TRABD: variants seen among roughly 807,000 people sequenced by gnomAD.
TRABD encodes the protein TraB domain containing.
TRABD carries 23 observed loss-of-function variants against 39.6 expected under a neutral mutation model. That is an observed-to-expected ratio of 0.58 (90% CI 0.42 to 0.82). TRABD has a LOEUF of 0.82. TRABD is among the 40% of genes least tolerant of loss of function. TRABD has a pLI of 0.00. For synonymous variants in TRABD, 243 were observed against 232.1 expected (o/e 1.05, Z -0.43); for missense variants, 487 against 544.9 (o/e 0.89, Z 1.06).
In TRABD at chr22:50,197,826, G is replaced by A. The variant is rs1359799767; in HGVS notation, c.675G>A (p.Lys225=). The change falls in exon 8 of 10, where the codon AAG becomes AAA. Residue 225 remains lysine, a synonymous_variant. Transcript: ENST00000380909. ...GLCFLSDPIS[K]DDVERCKQKD... is the part of the protein sequence containing the mutation. ...CTGCAGCCATCCCTCTCCACAGCAA[G>A]GATGACGTGGAACGCTGCAAGCAGA... 7.3e-7 allele frequency: 1 copy of A among 1,361,022 alleles called. No individual in the cohort carries two copies. The highest frequency in any genetic ancestry group is 4.5e-5 in the East Asian group (1 of 22,112). The allele number at this position is 1,361,022 out of a possible 1,614,324, so 84.3% of individuals were successfully genotyped here. A position where few individuals can be genotyped will look rare whatever the true frequency, so the allele number is the denominator to read the frequency against.
chr22:50,187,631 G>T (rs1602418373), intron 1 of TRABD, among the ~76,000 whole-genome samples: 1 of 152,188 alleles, frequency 6.6e-6, no homozygotes, highest in Admixed American at 6.5e-5. Flanking sequence ...GGATAAGATG[G>T]GTGTCTTAGC....
intron 2 of TRABD, 21 bp from the exon 3 acceptor site, chr22:50,193,555 A>G: frequency 6.2e-7 from 1 of 1,612,868 alleles, no homozygotes; most frequent in South Asian, 1.1e-5. Context: ...CCCTGACTTG[A>G]ACTCTCCTTT....
At chr22:50,194,598 C>T (rs2064031957) in intron 4 of TRABD, 92 bp downstream of exon 4, 17 of 1,519,162 alleles carry the variant, frequency 1.1e-5, no homozygotes, top group South Asian at 1.1e-4. Context: ...CCCGTGTGCC[C>T]GTGTGTGCGC....
rs1271177207 is a variant in TRABD at position 50,195,047 on chromosome 22, A to G, written c.420+7A>G. On this transcript the variant is annotated splice_region_variant and intron_variant, in intron 5 of 9. Coordinates refer to ENST00000380909, the MANE Select transcript of TRABD (RefSeq NM_001320485.2). ...GCAGCAGGCCGTGAGGCAGGTGCGCAGCCGCGGGCAAGGGTCAGGGTCAGG... is the reference window on the plus strand; with the variant it reads ...GCAGCAGGCCGTGAGGCAGGTGCGCGGCCGCGGGCAAGGGTCAGGGTCAGG... 1.9e-6 allele frequency: 3 copies of G among 1,577,202 alleles called. No individual in the cohort carries two copies. The highest frequency in any genetic ancestry group is 2.7e-5 in the African/African-American group (2 of 74,142).
rs139903264 is a variant in TRABD at position 50,197,514 on chromosome 22, G to A, written c.597G>A (p.Arg199=). The change falls in exon 7 of 10, where the codon AGG becomes AGA. Residue 199 remains arginine, a synonymous_variant. Coordinates refer to ENST00000380909, the MANE Select transcript of TRABD (RefSeq NM_001320485.2). Reference sequence around the variant, plus strand: ...GACCCATCCCCGTCACCTTCAAGAGGGCCATCGCAGCGCTCTCCTTCTGGC... The same window carrying A: ...GACCCATCCCCGTCACCTTCAAGAGAGCCATCGCAGCGCTCTCCTTCTGGC... The part of the protein sequence containing the change: ...GDRPIPVTFK[R]AIAALSFWQK... 5 of 1,613,630 alleles carry A rather than the reference G, an allele frequency of 3.1e-6. No homozygotes were observed. The highest frequency in any genetic ancestry group is 2.7e-5 in the African/African-American group (2 of 74,900).
chr22:50,197,079 A>G, intron 5 of TRABD, 162 bp from the exon 6 acceptor site: 1 of 649,608 alleles, frequency 1.5e-6, no homozygotes, highest in Non-Finnish European at 2.7e-6. Flanking sequence ...GACCCTCTGC[A>G]CGCTAGGGTG....
chr22:50,189,807 G>C (rs2063849092), intron 1 of TRABD, among the ~76,000 whole-genome samples: 1 of 147,098 alleles, frequency 6.8e-6, no homozygotes, highest in Non-Finnish European at 1.5e-5. Context: ...TGCAGTGTGT[G>C]CTGGCCGGAC....
Position 50,198,508 on chromosome 22 carries a change from C to G in TRABD, c.1120C>G (p.Arg374Gly). The change falls in exon 10 of 10, where the codon CGG (arginine) becomes GGG (glycine). Residue 374 changes from arginine (R) to glycine (G), a missense_variant. Physicochemically the swap from Arg to Gly is moderately radical, Grantham distance 125 (BLOSUM62 -2). Around this residue, in one of 3 missense-constraint regions of TRABD, gnomAD observed 123 missense variants for 108.3 expected, o/e 1.14. Transcript: ENST00000380909. The surrounding 1 kb of genome is among the most constrained non-coding windows in gnomAD (Gnocchi z 7.9). Reference protein sequence around the residue: ...QYCLQRVTEARHK With the variant: ...QYCLQRVTEAGHK ...CTGCCTGCAGAGGGTGACCGAGGCC[C>G]GGCACAAGTAGGAGACTGCTCCCCG... 1.9e-6 allele frequency: 3 copies of G among 1,564,882 alleles called. No homozygotes were observed. Among genetic ancestry groups the G allele is most frequent in the East Asian group, 2.3e-5 (1 of 43,904 alleles).
At position 50,197,530 on chromosome 22, in the gene TRABD, T is replaced by C; in HGVS notation, c.613T>C (p.Ser205Pro). ...CTTCAAGAGGGCCATCGCAGCGCTC[T>C]CCTTCTGGCAGAAGGTCAGGCTGGC... is the stretch of plus-strand genomic sequence containing the variant. ...VTFKRAIAALSFWQKVRLAWG... is the reference protein window; with the variant it reads ...VTFKRAIAALPFWQKVRLAWG... Residue 205 changes from serine (S) to proline (P), a missense_variant, in exon 7 of 10, where the codon TCC becomes CCC. Transcript: ENST00000380909. The C allele has an allele frequency of 3.7e-6, 6 of 1,613,636 alleles. No individual in the cohort carries two copies. Among genetic ancestry groups the C allele is most frequent in the Non-Finnish European group, 5.1e-6 (6 of 1,179,992 alleles).
At position 50,193,058 on chromosome 22, in the gene TRABD, G is replaced by T; in HGVS notation, c.-3G>T. On this transcript the variant is annotated 5_prime_UTR_variant, in exon 2 of 10. Coordinates refer to ENST00000380909, the MANE Select transcript of TRABD (RefSeq NM_001320485.2). ...CACAGGTGCAGGAAGCCGCCGCCCAGCCATGGACGGGGAGGAGCAGCAGCC... is the reference window on the plus strand; with the variant it reads ...CACAGGTGCAGGAAGCCGCCGCCCATCCATGGACGGGGAGGAGCAGCAGCC... The T allele has an allele frequency of 6.5e-7, 1 of 1,545,614 alleles. No homozygotes were observed.
At position 50,198,182 on chromosome 22, in the gene TRABD, A is replaced by G. The variant is rs773404847; in HGVS notation, c.952A>G (p.Met318Val). The change falls in exon 9 of 10, where the codon ATG (methionine) becomes GTG (valine). Residue 318 changes from methionine (M) to valine (V), a missense_variant. This residue lies in a region of TRABD where 123 missense variants were observed against 108.3 expected (regional missense o/e 1.14). Transcript: ENST00000380909. The surrounding 1 kb of genome is among the most constrained non-coding windows in gnomAD (Gnocchi z 7.9). ...CACCGACCTCAACATCCAGGAGATCATGACGTGAGTGCCCGCCCCTCCCTG... is the reference window on the plus strand; with the variant it reads ...CACCGACCTCAACATCCAGGAGATCGTGACGTGAGTGCCCGCCCCTCCCTG... ...WSTDLNIQEIMTVPPPSVSGR... is the reference protein window; with the variant it reads ...WSTDLNIQEIVTVPPPSVSGR... The G allele has an allele frequency of 6.2e-6, 10 of 1,608,674 alleles. No homozygotes were observed. Among genetic ancestry groups the G allele is most frequent in the South Asian group, 2.2e-5 (2 of 90,532 alleles).
intron 3 of TRABD, 48 bp from the exon 4 acceptor site, chr22:50,194,292 G>C (rs374670638): frequency 1.9e-6 from 3 of 1,588,984 alleles, no homozygotes; most frequent in Non-Finnish European, 2.6e-6. Context: ...GCCCGGCGGC[G>C]TCCTTGGGGT....
At chr22:50,188,621 G>T (rs1268828504) in intron 1 of TRABD, among the ~76,000 whole-genome samples, 2 of 152,210 alleles carry the variant, frequency 1.3e-5, no homozygotes, top group Non-Finnish European at 2.9e-5. Context: ...ATGCACTCAT[G>T]ACCTCATCCG....
At position 50,194,932 on chromosome 22, in the gene TRABD, C is replaced by T. The variant is rs373204700; in HGVS notation, c.312C>T (p.Val104=). ...TIREVQPDVV[V]VELCQYRVSM... ...GGGAGGTGCAGCCTGACGTGGTGGT[C>T]GTGGAGCTCTGCCAATATCGTGTGT... The change falls in exon 5 of 10, where the codon GTC becomes GTT. Residue 104 remains valine, a synonymous_variant. Coordinates refer to ENST00000380909, the MANE Select transcript of TRABD (RefSeq NM_001320485.2). The T allele has an allele frequency of 2.2e-5, 35 of 1,612,908 alleles. No individual in the cohort carries two copies. In the African/African-American group the frequency reaches 3.2e-4, roughly 15 times the overall value.
chr22:50,197,684 C>T (rs2064165990), intron 7 of TRABD, 96 bp downstream of exon 7: 2 of 1,573,898 alleles, frequency 1.3e-6, no homozygotes, highest in East Asian at 4.5e-5. Context: ...AATCCTCACT[C>T]AAGGCCTTCC....
chr22:50,188,162 C>G (rs1196840667), intron 1 of TRABD, among the ~76,000 whole-genome samples: 1 of 151,948 alleles, frequency 6.6e-6, no homozygotes, highest in Non-Finnish European at 1.5e-5. Context: ...CGCCTGTAAT[C>G]CCAGCTACTC....
chr22:50,190,869 G>T (rs6537634), intron 1 of TRABD, among the ~76,000 whole-genome samples: 1 of 152,206 alleles, frequency 6.6e-6, no homozygotes, highest in Admixed American at 6.5e-5. Flanking sequence ...AGGGTCCGGG[G>T]CCTGGTCCTG....
chr22:50,190,897 T>A (rs6537636), intron 1 of TRABD, among the ~76,000 whole-genome samples: 4,556 of 152,318 alleles, frequency 0.03, 237 homozygotes, highest in African/African-American at 0.1. Context: ...CGGTGCCAGC[T>A]GCACTTCCTG....
rs922840133 is a variant in TRABD at position 50,199,505 on chromosome 22, A to C, written c.*986A>C. The C allele has an allele frequency of 6.8e-5, 13 of 191,120 alleles. No individual in the cohort carries two copies. Among genetic ancestry groups the C allele is most frequent in the Admixed American group, 1.2e-4 (2 of 16,364 alleles). 11.8% of individuals were successfully genotyped at this position (191,120 alleles called of 1,614,324 possible). A position where few individuals can be genotyped will look rare whatever the true frequency, so the allele number is the denominator to read the frequency against. ...TCTGTGCCGACTCGGTGTTGAATCA[A>C]ATCAGGTGTGCGTCAGGAGCCGGCT... On this transcript the variant is annotated 3_prime_UTR_variant, in exon 10 of 10. Transcript: ENST00000380909.
Sources: gnomAD v4.1 joint callset for allele counts (sites outside exome capture counted in the v4.1 genomes callset) on GRCh38, gnomAD v4.1.1 for gene constraint, gnomAD v4.1.1 regional missense constraint, Gnocchi (gnomAD v3.1) non-coding constraint, MANE v1.5 for transcripts, NCBI Gene and HGNC (gene_info 2026-07-23, HGNC 2026-07-21) for gene names.